USP38: variants seen among roughly 807,000 people sequenced by gnomAD.
The protein encoded by USP38 is ubiquitin specific peptidase 38, also known as ubiquitin carboxyl-terminal hydrolase 38.
Under a neutral mutation model 94.3 loss-of-function variants are expected in USP38, and 49 were observed. The observed-to-expected ratio is 0.52, with a 90% CI of 0.41 to 0.66. The LOEUF is 0.66. Ranked by LOEUF, USP38 falls within the 30% of genes least tolerant of loss-of-function variation. The pLI, the probability that USP38 is intolerant of heterozygous loss-of-function variation, is 0.00. For synonymous variants in USP38, 468 were observed against 463.6 expected, an observed-to-expected ratio of 1.01 and a Z score of -0.12; for missense variants, 1,128 against 1,229.4, an observed-to-expected ratio of 0.92 and a Z score of 1.23.
At chr4:143,212,160 A>G (rs562276356) in intron 7 of USP38, among the ~76,000 whole-genome samples, 158 bp from the exon 8 acceptor site, 1 of 152,318 alleles carries the variant, frequency 6.6e-6, no homozygotes, top group East Asian at 1.9e-4. Context: ...TTATTTCTAA[A>G]TAATTTTATC....
rs755564050 is a variant in USP38, at chr4:143,214,415, C to T, written c.2439C>T (p.Phe813=). Reference sequence around the variant, plus strand: ...AAAGTTGGTCTGTAGATGTTGACTTCACTGATCTTAGTGAGAACCTTGCTA... The same window carrying T: ...AAAGTTGGTCTGTAGATGTTGACTTTACTGATCTTAGTGAGAACCTTGCTA... ...LSESWSVDVD[F]TDLSENLAKK... Residue 813 remains phenylalanine (F), a synonymous_variant, in exon 9 of 10, where the codon TTC becomes TTT. Coordinates refer to ENST00000307017, the MANE Select transcript of USP38 (RefSeq NM_032557.6). 1.2e-6 allele frequency: 2 copies of T among 1,613,798 alleles called. No individual in the cohort carries two copies. The highest frequency in any genetic ancestry group is 1.7e-6 in the Non-Finnish European group (2 of 1,179,850).
chr4:143,219,679 G>A (rs904263708), intron 9 of USP38, among the ~76,000 whole-genome samples: 1 of 152,008 alleles, frequency 6.6e-6, no homozygotes, highest in Non-Finnish European at 1.5e-5. Flanking sequence ...GAATCCAGTT[G>A]TATACCTTGC....
At chr4:143,213,480 A>C (rs1732084802) in intron 8 of USP38, 101 bp from the exon 9 acceptor site, 12 of 1,239,764 alleles carry the variant, frequency 9.7e-6, no homozygotes, top group Middle Eastern at 2.7e-4. Flanking sequence ...TGTTTACATT[A>C]AATTTGATTA....
chr4:143,188,080 T>C (rs1020933085), intron 2 of USP38, 119 bp downstream of exon 2: 8 of 1,194,732 alleles, frequency 6.7e-6, no homozygotes, highest in Non-Finnish European at 8.0e-6. Context: ...GAATGACATA[T>C]GTAAAGATTC....
chr4:143,188,147 C>T (rs1439391954), intron 2 of USP38, among the ~76,000 whole-genome samples, 186 bp downstream of exon 2: 1 of 152,092 alleles, frequency 6.6e-6, no homozygotes, highest in Non-Finnish European at 1.5e-5. Context: ...ATTCACAAAT[C>T]TATTTTCAAT....
chr4:143,215,150 T>C, intron 9 of USP38: 1 of 561,330 alleles, frequency 1.8e-6, no homozygotes, highest in South Asian at 2.3e-5. Flanking sequence ...TTAGATGTAA[T>C]GCAGAAGACT....
At chr4:143,194,369 T>G (rs1026217779) in intron 2 of USP38, among the ~76,000 whole-genome samples, 1 of 152,244 alleles carries the variant, frequency 6.6e-6, no homozygotes, top group Non-Finnish European at 1.5e-5. Flanking sequence ...TAGGGTCCCC[T>G]AGCTAATAAA....
intron 2 of USP38, among the ~76,000 whole-genome samples, chr4:143,194,593 C>T (rs1378566010): frequency 2.6e-5 from 4 of 152,194 alleles, no homozygotes; most frequent in African/African-American, 7.2e-5. Context: ...CTGCAACCTC[C>T]GCCTCCCAGG....
intron 4 of USP38, among the ~76,000 whole-genome samples, chr4:143,199,476 T>C (rs1266032122): frequency 6.6e-6 from 1 of 152,084 alleles, no homozygotes; most frequent in Non-Finnish European, 1.5e-5. Context: ...GGTAGAATGA[T>C]TTATATTCCT....
Position 143,220,470 on chromosome 4 carries a change from C to T in USP38, c.*14C>T, listed in dbSNP as rs1014831626. On this transcript the variant is annotated 3_prime_UTR_variant, in exon 10 of 10. Transcript: ENST00000307017. ...CTCGTATTTTGATCCTGAGAGAGTC[C>T]AAAATGCACTGGTCACGAAACGTCT... is the stretch of plus-strand genomic sequence containing the variant. 1 of 1,602,052 alleles carries T rather than the reference C, an allele frequency of 6.2e-7. No individual in the cohort carries two copies. The highest frequency in any genetic ancestry group is 8.5e-7 in the Non-Finnish European group (1 of 1,174,580).
At chr4:143,188,010 G>A (rs1159335617) in intron 2 of USP38, 49 bp downstream of exon 2, 3 of 1,542,056 alleles carry the variant, frequency 1.9e-6, no homozygotes, top group Non-Finnish European at 1.7e-6. Flanking sequence ...TGGGGAAGAG[G>A]AAGTATTTTG....
rs1371879500 is a variant in USP38, at chr4:143,212,352, C to T, written c.1532C>T (p.Ala511Val). 1.2e-6 allele frequency: 2 copies of T among 1,612,196 alleles called. No individual in the cohort carries two copies. Among genetic ancestry groups the T allele is most frequent in the East Asian group, 4.5e-5 (2 of 44,754 alleles). Residue 511 changes from alanine (A) to valine (V), a missense_variant, in exon 8 of 10, where the codon GCT becomes GTT. Physicochemically the swap from Ala to Val is moderately conservative, Grantham distance 64. Coordinates refer to ENST00000307017, the MANE Select transcript of USP38 (RefSeq NM_032557.6). ...TACGCACCTCGGATATTCTTTGAGG[C>T]TTCCAGACCTCCATGGTTTACTCCC... ...EAYAPRIFFE[A>V]SRPPWFTPRS... is the part of the protein sequence containing the mutation.
rs1380324006 is a variant in USP38 at position 143,221,565 on chromosome 4, G to A, written c.*1109G>A. 6.6e-6 allele frequency: 1 copy of A among 152,282 alleles called. No homozygotes were observed. The highest frequency in any genetic ancestry group is 2.4e-5 in the African/African-American group (1 of 41,420). The allele number at this position is 152,282 out of a possible 1,614,324, so 9.4% of individuals were successfully genotyped here. A position where few individuals can be genotyped will look rare whatever the true frequency, so the allele number is the denominator to read the frequency against. ...TGGCACTGTTGTTTCTATTTTCGTA[G>A]TTTTAGATAAAATGTTAAAATGCCA... On this transcript the variant is annotated 3_prime_UTR_variant, in exon 10 of 10. Transcript: ENST00000307017.
At chr4:143,189,326 G>A (rs576114926) in intron 2 of USP38, among the ~76,000 whole-genome samples, 1 of 151,842 alleles carries the variant, frequency 6.6e-6, no homozygotes, top group African/African-American at 2.4e-5. Context: ...GTGTCTGTCT[G>A]TTCTTATTTA....
Position 143,195,820 on chromosome 4 carries a change from A to C in USP38, c.923A>C (p.Asp308Ala). ...GTCCAGAAGTTTACTATTTTGATAG[A>C]TGTTACTTTGCTGAAAATAGAACTG... Reference protein sequence around the residue: ...AAVQKFTILIDVTLLKIELVF... With the variant: ...AAVQKFTILIAVTLLKIELVF... The change falls in exon 3 of 10, where the codon GAT becomes GCT. Residue 308 changes from aspartate (D) to alanine (A), a missense_variant. Transcript: ENST00000307017. 6.2e-7 allele frequency: 1 copy of C among 1,613,038 alleles called. No homozygotes were observed. The highest frequency in any genetic ancestry group is 1.3e-5 in the African/African-American group (1 of 75,026).
rs1732007357 is a variant in USP38 at position 143,210,930 on chromosome 4, ATTCT to A, written c.1497+1276_1497+1279del. 3.9e-5 allele frequency among the ~76,000 whole-genome samples: 6 copies of A among 152,114 alleles called. No homozygotes were observed. The South Asian group carries it at 1.2e-3, about 32-fold the overall frequency. ...AGTTATATACTCAGATATTTTTATT[ATTCT>A]TTATCTGGGGAAAGTATGTTCACAA... On this transcript the variant is annotated intron_variant, in intron 7 of 9. Transcript: ENST00000307017.
At chr4:143,207,039 A>G (rs1731887568) in intron 6 of USP38, among the ~76,000 whole-genome samples, 1 of 152,218 alleles carries the variant, frequency 6.6e-6, no homozygotes, top group Non-Finnish European at 1.5e-5. Flanking sequence ...CACCTAAGCA[A>G]ATAGGAAATC....
chr4:143,221,055 C>A lies in USP38; in HGVS notation c.*599C>A, dbSNP rs1204596340. 6.6e-6 allele frequency: 1 copy of A among 152,568 alleles called. No individual in the cohort carries two copies. The highest frequency in any genetic ancestry group is 1.5e-5 in the Non-Finnish European group (1 of 68,012). The allele number at this position is 152,568 out of a possible 1,614,324, so 9.5% of individuals were successfully genotyped here. The stretch of plus-strand genomic sequence containing the variant: ...ATGTTTTTAAAAAGGATTCTTTATA[C>A]ATATGTGCTGAATTGATTTTAAGAA... On this transcript the variant is annotated 3_prime_UTR_variant, in exon 10 of 10. Coordinates refer to ENST00000307017, the MANE Select transcript of USP38 (RefSeq NM_032557.6).
intron 3 of USP38, 40 bp downstream of exon 3, chr4:143,195,885 C>A: frequency 6.6e-7 from 1 of 1,516,136 alleles, no homozygotes; most frequent in South Asian, 1.3e-5. Flanking sequence ...TATATAGACT[C>A]ATAAAATCAA....
Sources: gnomAD v4.1 joint callset for allele counts (sites outside exome capture counted in the v4.1 genomes callset) on GRCh38, gnomAD v4.1.1 for gene constraint, MANE v1.5 for transcripts, NCBI Gene and HGNC (gene_info 2026-07-23, HGNC 2026-07-21) for gene names.